Variants in NUCB2 observed in about 807,000 individuals in gnomAD.
NUCB2 encodes the protein nucleobindin-2.
Under a neutral mutation model 57.9 loss-of-function variants are expected in NUCB2, and 48 were observed. The ratio of observed to expected loss-of-function variants is 0.83; its 90% CI spans 0.66 to 1.05. The LOEUF (loss-of-function observed/expected upper bound fraction) is 1.05, where lower values mean the gene tolerates loss of function less well. Among genes scored for constraint, NUCB2 ranks in the 50% least tolerant of loss-of-function variants. The pLI is 0.00. For synonymous variants in NUCB2, 139 were observed against 152.1 expected (o/e 0.91, Z 0.64); for missense variants, 442 against 476.2 (o/e 0.93, Z 0.67).
chr11:17,321,516 G>T (rs1018978717), intron 11 of NUCB2, among the ~76,000 whole-genome samples: 1 of 152,010 alleles, frequency 6.6e-6, no homozygotes, highest in South Asian at 2.1e-4. Flanking sequence ...TGGATGCTTA[G>T]CTTGCTTCCA....
intron 2 of NUCB2, among the ~76,000 whole-genome samples, chr11:17,344,044 T>G (rs1034230094): frequency 1.3e-5 from 2 of 152,182 alleles, no homozygotes; most frequent in Non-Finnish European, 2.9e-5. Context: ...TGGTTTGGTT[T>G]CAATTGCAGA....
At chr11:17,341,437 A>T (rs2139620910) in intron 2 of NUCB2, among the ~76,000 whole-genome samples, 1 of 151,940 alleles carries the variant, frequency 6.6e-6, no homozygotes, top group South Asian at 2.1e-4. Context: ...ATTCAGTATG[A>T]TATTGGCTGT....
chr11:17,300,185 A>G (rs1037035108), intron 4 of NUCB2, among the ~76,000 whole-genome samples: 15 of 151,864 alleles, frequency 9.9e-5, no homozygotes, highest in Non-Finnish European at 1.5e-4. Context: ...TAATTTTTGT[A>G]TTTTTAGCAG....
downstream of NUCB2, chr11:17,333,242 G>T (rs1219782764): frequency 1.3e-5 from 2 of 152,074 alleles, no homozygotes; most frequent in African/African-American, 4.8e-5. Flanking sequence ...GGTTTTTATT[G>T]TACATTAATT....
In NUCB2 at chr11:17,345,436, C is replaced by T. The variant is rs143918931; in HGVS notation, n.2627-3909C>T. Among the ~76,000 whole-genome samples the T allele has an allele frequency of 7.5e-3, 1,142 of 152,166 alleles. 13 individuals are homozygous for T. Among genetic ancestry groups the T allele is most frequent in the East Asian group, 0.036 (184 of 5,172 alleles). On this transcript the variant is annotated intron_variant and non_coding_transcript_variant, in intron 2 of 2. Transcript: ENST00000532240. ...AAAATGTAACCTTTTTGGCTGGGTG[C>T]GGTGGCTCACGCCTGTAATCCCAGT...
intron 2 of NUCB2, among the ~76,000 whole-genome samples, chr11:17,348,247 TTAAAG>T (rs1952904917): frequency 6.6e-6 from 1 of 151,730 alleles, no homozygotes. Context: ...TTGGACACTT[TTAAAG>T]AGTCCTTCAG....
At chr11:17,285,528 G>C (rs1279550660) in intron 2 of NUCB2, among the ~76,000 whole-genome samples, 1 of 149,728 alleles carries the variant, frequency 6.7e-6, no homozygotes, top group Non-Finnish European at 1.5e-5. Context: ...AGTGAGCTGA[G>C]ATTGCACTAC....
chr11:17,309,141 C>T (rs1204806551), intron 5 of NUCB2, among the ~76,000 whole-genome samples: 1 of 151,950 alleles, frequency 6.6e-6, no homozygotes, highest in African/African-American at 2.4e-5. Context: ...TAGTGAGACC[C>T]TGTCTCTACC....
chr11:17,293,548 A>G (rs1001439165), intron 2 of NUCB2, among the ~76,000 whole-genome samples: 1 of 152,236 alleles, frequency 6.6e-6, no homozygotes, highest in Admixed American at 6.5e-5. Flanking sequence ...TCCTAGTTAT[A>G]TAACCAAAAG....
chr11:17,325,096 C>G (rs1040510099), intron 11 of NUCB2, among the ~76,000 whole-genome samples: 3 of 152,166 alleles, frequency 2.0e-5, no homozygotes, highest in African/African-American at 4.8e-5. Context: ...GGCCACCGTG[C>G]CTGGCCTATA....
chr11:17,279,035 A>G (rs1941968679), intron 1 of NUCB2, among the ~76,000 whole-genome samples: 1 of 152,196 alleles, frequency 6.6e-6, no homozygotes, highest in South Asian at 2.1e-4. Context: ...TTTACTAAAA[A>G]TACAAAAATT....
intron 1 of NUCB2, among the ~76,000 whole-genome samples, chr11:17,282,255 TA>T (rs1468306639): frequency 1.8e-3 from 172 of 96,454 alleles, no homozygotes; most frequent in Admixed American, 2.8e-3. Flanking sequence ...TATATATATA[TA>T]TATTTTTTTT....
chr11:17,277,805 G>A (rs532124756), intron 1 of NUCB2, among the ~76,000 whole-genome samples: 1 of 152,202 alleles, frequency 6.6e-6, no homozygotes, highest in Non-Finnish European at 1.5e-5. Context: ...CTATGGGAAA[G>A]TTAAAGAATT....
At chr11:17,286,276 A>G (rs1325277317) in intron 2 of NUCB2, among the ~76,000 whole-genome samples, 2 of 152,178 alleles carry the variant, frequency 1.3e-5, no homozygotes, top group African/African-American at 2.4e-5. Flanking sequence ...GGCTCAAGGA[A>G]TCCACCCTCC....
intron 2 of NUCB2, among the ~76,000 whole-genome samples, chr11:17,342,487 C>T (rs575750556): frequency 1.5e-4 from 22 of 151,474 alleles, no homozygotes; most frequent in Non-Finnish European, 3.1e-4. Context: ...GCTTTGAATG[C>T]GTCCCAGAGA....
intron 6 of NUCB2, among the ~76,000 whole-genome samples, chr11:17,309,895 C>G (rs572668011): frequency 6.6e-6 from 1 of 152,290 alleles, no homozygotes; most frequent in South Asian, 2.1e-4. Flanking sequence ...AAAACTGAAA[C>G]CTGGCCTGAA....
chr11:17,284,379 G>T (rs1943259244), intron 2 of NUCB2, among the ~76,000 whole-genome samples: 1 of 151,990 alleles, frequency 6.6e-6, no homozygotes, highest in African/African-American at 2.4e-5. Flanking sequence ...CTGCAAAATG[G>T]TTCAATTGTC....
At chr11:17,340,167 G>C (rs1371402593) in intron 2 of NUCB2, among the ~76,000 whole-genome samples, 1 of 152,160 alleles carries the variant, frequency 6.6e-6, no homozygotes, top group Non-Finnish European at 1.5e-5. Context: ...AGAAGTGTCT[G>C]TTCATATCCT....
intron 5 of NUCB2, 143 bp from the exon 6 acceptor site, chr11:17,309,429 G>T (rs891481318): frequency 1.9e-6 from 1 of 527,246 alleles, no homozygotes; most frequent in South Asian, 3.1e-5. Context: ...TATTCATAAA[G>T]TAAATATAAG....
Sources: allele counts gnomAD v4.1 joint callset (sites outside exome capture counted in the v4.1 genomes callset), GRCh38; gene constraint gnomAD v4.1.1; transcripts MANE v1.5; gene names NCBI Gene and HGNC (gene_info 2026-07-23, HGNC 2026-07-21).